The following SSBP3 variants were observed in gnomAD, a reference collection of about 807,000 sequenced individuals.
SSBP3 encodes the protein single stranded DNA binding protein 3.
SSBP3 carries 5 observed loss-of-function variants against 69.6 expected under a neutral mutation model. The observed-to-expected ratio is 0.07, with a 90% CI of 0.04 to 0.15. The LOEUF (loss-of-function observed/expected upper bound fraction) is 0.15. Among genes scored for constraint, SSBP3 ranks in the 10% least tolerant of loss-of-function variants. The probability of loss-of-function intolerance (pLI) is 1.00; values close to 1 mark genes in which losing one functional copy is unlikely to be tolerated. For missense variants in SSBP3, 312 were observed against 534.0 expected (o/e 0.58, Z 4.10); for synonymous variants, 196 against 193.4 (o/e 1.01, Z -0.11).
At chr1:54,310,595 CT>C (rs569980457) in intron 4 of SSBP3, among the ~76,000 whole-genome samples, 145 of 152,218 alleles carry the variant, frequency 9.5e-4, no homozygotes, top group African/African-American at 3.3e-3. Context: ...CACTTCCTCC[CT>C]CCCCCACCCT....
At chr1:54,387,698 G>A (rs1040001359) in intron 4 of SSBP3, among the ~76,000 whole-genome samples, 2 of 151,948 alleles carry the variant, frequency 1.3e-5, no homozygotes, top group Admixed American at 6.6e-5. Context: ...GTCAGTTACC[G>A]AACAACTGTT....
intron 4 of SSBP3, among the ~76,000 whole-genome samples, chr1:54,311,330 A>G (rs1048135621): frequency 1.3e-5 from 2 of 152,204 alleles, no homozygotes; most frequent in African/African-American, 4.8e-5. Flanking sequence ...ACAGAAGCCA[A>G]GAAGGAGAGA....
At chr1:54,332,762 C>G (rs2100462881) in intron 4 of SSBP3, among the ~76,000 whole-genome samples, 1 of 152,286 alleles carries the variant, frequency 6.6e-6, no homozygotes, top group East Asian at 1.9e-4. Flanking sequence ...GACTTGCTCC[C>G]TTGTCCCACA....
exon 1 of SSBP3, chr1:54,406,053 G>GCCGCCGCCGCCA: frequency 7.0e-7 from 1 of 1,421,066 alleles, no homozygotes; most frequent in Non-Finnish European, 9.3e-7. Flanking sequence ...CGCCGCCGCC[G>GCCGCCGCCGCCA]CCGCCGCTAC....
At chr1:54,235,369 C>T (rs1644470728) in intron 14 of SSBP3, among the ~76,000 whole-genome samples, 1 of 150,536 alleles carries the variant, frequency 6.6e-6, no homozygotes, top group East Asian at 1.9e-4. Flanking sequence ...GCAACCTCCA[C>T]CTCCCAGGTT....
chr1:54,308,687 G>T (rs1178970582), intron 4 of SSBP3, among the ~76,000 whole-genome samples: 2 of 151,420 alleles, frequency 1.3e-5, no homozygotes, highest in African/African-American at 4.9e-5. Flanking sequence ...AGAATCACTC[G>T]AACCCAGAAG....
chr1:54,308,387 G>A (rs1645937281), intron 4 of SSBP3, among the ~76,000 whole-genome samples: 1 of 151,972 alleles, frequency 6.6e-6, no homozygotes, highest in African/African-American at 2.4e-5. Context: ...GGATCATGAG[G>A]TCAGGAGATC....
At chr1:54,347,141 A>AT (rs1646702903) in intron 4 of SSBP3, among the ~76,000 whole-genome samples, 1 of 151,864 alleles carries the variant, frequency 6.6e-6, no homozygotes, top group African/African-American at 2.4e-5. Flanking sequence ...TATTTATTTA[A>AT]TTTTTACATA....
At chr1:54,334,438 C>T (rs963901627) in intron 4 of SSBP3, among the ~76,000 whole-genome samples, 2 of 152,142 alleles carry the variant, frequency 1.3e-5, no homozygotes, top group African/African-American at 4.8e-5. Flanking sequence ...AAGCTAAATG[C>T]TGTCATTTCC....
intron 4 of SSBP3, among the ~76,000 whole-genome samples, chr1:54,372,503 T>G (rs1374967619): frequency 6.6e-6 from 1 of 152,102 alleles, no homozygotes; most frequent in Admixed American, 6.5e-5. Context: ...TCTGCCTGTG[T>G]TCCCCATGAG....
chr1:54,246,315 C>G (rs1026062435), intron 9 of SSBP3, among the ~76,000 whole-genome samples: 1 of 152,198 alleles, frequency 6.6e-6, no homozygotes, highest in African/African-American at 2.4e-5. Context: ...CTCATCTCCC[C>G]ACCTGCTGCT....
intron 4 of SSBP3, among the ~76,000 whole-genome samples, chr1:54,357,201 GA>G (rs1646882730): frequency 1.3e-5 from 2 of 152,172 alleles, no homozygotes; most frequent in African/African-American, 4.8e-5. Flanking sequence ...TGCGAGTGAG[GA>G]AGGCAGCCAG....
chr1:54,258,189 C>T lies in SSBP3; in HGVS notation c.367-40G>A. 1.4e-6 allele frequency: 2 copies of T among 1,470,682 alleles called. No homozygotes were observed. The highest frequency in any genetic ancestry group is 1.4e-5 in the African/African-American group (1 of 70,068). The allele number at this position is 1,470,682 out of a possible 1,614,324, so 91.1% of individuals were successfully genotyped here. Reference sequence around the variant, plus strand: ...AGTAGAGGCAGGTTATAGATCACAGCACATGGAGAAGCGCAGAAGCAGCTT... The same window carrying T: ...AGTAGAGGCAGGTTATAGATCACAGTACATGGAGAAGCGCAGAAGCAGCTT... On this transcript the variant is annotated intron_variant, in intron 5 of 17. Coordinates refer to ENST00000610401, the Ensembl canonical transcript of SSBP3. This position sits in a 1 kb window ranked among gnomAD's most constrained non-coding sequence, Gnocchi z 4.5.
At chr1:54,256,071 GGT>G in intron 7 of SSBP3, among the ~76,000 whole-genome samples, 1 of 150,896 alleles carries the variant, frequency 6.6e-6, no homozygotes, top group Non-Finnish European at 1.5e-5. Flanking sequence ...GCGAGACTCC[GGT>G]TAAAAAAAAA....
At chr1:54,256,143 A>AGGAGCCTTCTTGCCTCG (rs1644917466) in intron 7 of SSBP3, among the ~76,000 whole-genome samples, 1 of 151,678 alleles carries the variant, frequency 6.6e-6, no homozygotes, top group Non-Finnish European at 1.5e-5. Context: ...GCATCACCTC[A>AGGAGCCTTCTTGCCTCG]CTCAGGAGCC....
intron 9 of SSBP3, among the ~76,000 whole-genome samples, chr1:54,246,438 C>T (rs1426362950): frequency 6.6e-6 from 1 of 152,206 alleles, no homozygotes; most frequent in Non-Finnish European, 1.5e-5. Flanking sequence ...AGCCGCCTCT[C>T]CCATCCAAGA....
At chr1:54,231,165 T>A (rs147485145) in intron 14 of SSBP3, among the ~76,000 whole-genome samples, 1 of 152,336 alleles carries the variant, frequency 6.6e-6, no homozygotes, top group African/African-American at 2.4e-5. Context: ...CCACGAGCAG[T>A]GTCTGAGAGT....
At chr1:54,291,580 C>G (rs1399020021) in intron 4 of SSBP3, among the ~76,000 whole-genome samples, 1 of 152,254 alleles carries the variant, frequency 6.6e-6, no homozygotes, top group Admixed American at 6.5e-5. Flanking sequence ...TTTCGTCCCC[C>G]ACTCTGAGTC....
intron 9 of SSBP3, 52 bp from the exon 10 acceptor site, chr1:54,243,351 G>A (rs774175777): frequency 4.9e-5 from 78 of 1,599,492 alleles, no homozygotes; most frequent in Non-Finnish European, 6.5e-5. Context: ...CCGGAGACAG[G>A]AGGAGGGAGG....
Sources: gnomAD v4.1 joint callset for allele counts (sites outside exome capture counted in the v4.1 genomes callset) on GRCh38, gnomAD v4.1.1 for gene constraint, Gnocchi (gnomAD v3.1) non-coding constraint, MANE v1.5 for transcripts, NCBI Gene and HGNC (gene_info 2026-07-23, HGNC 2026-07-21) for gene names.